Variants in DSCAM observed in about 807,000 individuals in gnomAD.
The protein encoded by DSCAM is cell adhesion molecule DSCAM.
A neutral mutation model predicts 217.7 loss-of-function variants in DSCAM; 47 were observed. The observed-to-expected ratio is 0.22, with a 90% CI of 0.17 to 0.28. The LOEUF (loss-of-function observed/expected upper bound fraction) is 0.28, where lower values mean the gene tolerates loss of function less well. Ranked by LOEUF, DSCAM falls within the 10% of genes least tolerant of loss-of-function variation. The pLI is 1.00. For synonymous variants in DSCAM, 1,056 were observed against 1,015.3 expected (o/e 1.04, Z -0.76); for missense variants, 2,080 against 2,618.3 (o/e 0.79, Z 4.49).
At chr21:40,388,647 C>CG (rs1204782098) in intron 3 of DSCAM, among the ~76,000 whole-genome samples, 5 of 151,986 alleles carry the variant, frequency 3.3e-5, no homozygotes, top group Non-Finnish European at 7.4e-5. Flanking sequence ...TAAACCCCCC[C>CG]TCCTCCACTG....
intron 3 of DSCAM, among the ~76,000 whole-genome samples, chr21:40,550,202 G>A (rs2076618289): frequency 6.6e-6 from 1 of 152,024 alleles, no homozygotes; most frequent in African/African-American, 2.4e-5. Context: ...TGCCTCCCAG[G>A]GCTTTCTGCT....
intron 3 of DSCAM, among the ~76,000 whole-genome samples, chr21:40,522,894 A>C (rs2076370308): frequency 6.6e-6 from 1 of 152,156 alleles, no homozygotes; most frequent in Admixed American, 6.5e-5. Context: ...GTAGGAATCA[A>C]TAATCGACAA....
chr21:40,577,461 C>CT (rs1018138820), intron 3 of DSCAM, among the ~76,000 whole-genome samples: 4 of 152,112 alleles, frequency 2.6e-5, no homozygotes, highest in African/African-American at 7.2e-5. Flanking sequence ...GTGGCGCCCC[C>CT]CTCCGAGCCG....
intron 11 of DSCAM, among the ~76,000 whole-genome samples, chr21:40,210,857 T>G (rs529244808): frequency 1.8e-4 from 27 of 152,236 alleles, no homozygotes; most frequent in Non-Finnish European, 3.2e-4. Context: ...CTTCATTATT[T>G]TTAACCCACA....
intron 4 of DSCAM, among the ~76,000 whole-genome samples, chr21:40,363,615 T>C (rs1249702238): frequency 6.6e-6 from 1 of 152,088 alleles, no homozygotes; most frequent in African/African-American, 2.4e-5. Context: ...TTTTAAAATT[T>C]AGGGAAAGGA....
At chr21:40,276,444 A>G (rs1030024495) in intron 10 of DSCAM, among the ~76,000 whole-genome samples, 174 bp from the exon 11 acceptor site, 1 of 152,220 alleles carries the variant, frequency 6.6e-6, no homozygotes, top group Non-Finnish European at 1.5e-5. Context: ...TCTTGTTTAG[A>G]GAGAAAAGCA....
intron 18 of DSCAM, among the ~76,000 whole-genome samples, chr21:40,134,265 C>T (rs1481660214): frequency 6.6e-6 from 1 of 152,056 alleles, no homozygotes; most frequent in Non-Finnish European, 1.5e-5. Flanking sequence ...CGAAGTAATT[C>T]GCTCCAAGTT....
rs1226012320 is a variant in DSCAM at position 40,175,797 on chromosome 21, A to ACG, written c.2947+3129_2947+3130insCG. Among the ~76,000 whole-genome samples the ACG allele has an allele frequency of 1.1e-4, 12 of 108,392 alleles. No individual in the cohort carries two copies. In the East Asian group the frequency reaches 1.7e-3, roughly 15 times the overall value. The allele number at this position is 108,392 out of a possible 152,430, so 71.1% of individuals were successfully genotyped here. A position where few individuals can be genotyped will look rare whatever the true frequency, so the allele number is the denominator to read the frequency against. On this transcript the variant is annotated intron_variant, in intron 15 of 32. Transcript: ENST00000400454. ...CACACACATACACACACACACACAC[A>ACG]CACACACACACGCACACACACACAC...
intron 3 of DSCAM, among the ~76,000 whole-genome samples, chr21:40,650,506 G>A (rs2089999493): frequency 1.3e-5 from 2 of 152,244 alleles, no homozygotes; most frequent in Admixed American, 6.5e-5. Context: ...ATTGTCTTCA[G>A]CCACGTGGGC....
chr21:40,433,697 C>T (rs1355996346), intron 3 of DSCAM, among the ~76,000 whole-genome samples: 1 of 152,144 alleles, frequency 6.6e-6, no homozygotes, highest in Non-Finnish European at 1.5e-5. Flanking sequence ...TAGGTGACAT[C>T]ATCTGAGGTG....
intron 3 of DSCAM, among the ~76,000 whole-genome samples, chr21:40,547,118 C>T (rs960997183): frequency 6.6e-6 from 1 of 152,152 alleles, no homozygotes; most frequent in African/African-American, 2.4e-5. Context: ...TGTCCCCAAC[C>T]CTGTCTATCC....
intron 11 of DSCAM, among the ~76,000 whole-genome samples, chr21:40,229,379 C>A (rs1197279905): frequency 6.6e-6 from 1 of 152,194 alleles, no homozygotes; most frequent in African/African-American, 2.4e-5. Context: ...AATTCACCTA[C>A]ATTAAGATTC....
chr21:40,779,561 T>A (rs985646495), intron 1 of DSCAM, among the ~76,000 whole-genome samples: 1 of 152,210 alleles, frequency 6.6e-6, no homozygotes, highest in African/African-American at 2.4e-5. Flanking sequence ...TCCTCATGGA[T>A]CTGCCATTCC....
Position 40,387,911 on chromosome 21 carries a change from C to T in DSCAM, c.509-18666G>A, listed in dbSNP as rs190168573. ...CCTTGACATAAATATTTATATTAGA[C>T]ACAGTTGGGAAAAATTAGTGAACAA... On this transcript the variant is annotated intron_variant, in intron 3 of 32. Coordinates refer to ENST00000400454, the MANE Select transcript of DSCAM (RefSeq NM_001389.5). 3.2e-3 allele frequency among the ~76,000 whole-genome samples: 485 copies of T among 151,924 alleles called. 2 individuals carry two copies. Among genetic ancestry groups the T allele is most frequent in the African/African-American group, 0.01 (435 of 41,448 alleles).
At chr21:40,129,102 T>C (rs777142364) in intron 19 of DSCAM, among the ~76,000 whole-genome samples, 2 of 152,186 alleles carry the variant, frequency 1.3e-5, no homozygotes, top group African/African-American at 2.4e-5. Context: ...CTGGTCTTAG[T>C]AAACAGCCAC....
chr21:40,678,234 T>A (rs2146417053), intron 3 of DSCAM, among the ~76,000 whole-genome samples: 1 of 152,278 alleles, frequency 6.6e-6, no homozygotes, highest in South Asian at 2.1e-4. Context: ...CTCTTTTGTG[T>A]CTTTTTAAAA....
At chr21:40,247,857 G>A (rs1372231086) in intron 11 of DSCAM, among the ~76,000 whole-genome samples, 1 of 152,216 alleles carries the variant, frequency 6.6e-6, no homozygotes, top group Non-Finnish European at 1.5e-5. Flanking sequence ...GATTCTCCAT[G>A]AGGACCATGC....
chr21:40,697,911 A>G (rs1046356951), intron 2 of DSCAM, among the ~76,000 whole-genome samples: 1 of 152,124 alleles, frequency 6.6e-6, no homozygotes, highest in African/African-American at 2.4e-5. Context: ...TCTGTAGATC[A>G]CTTTGAGTAG....
intron 3 of DSCAM, among the ~76,000 whole-genome samples, chr21:40,391,211 A>G (rs1167443333): frequency 6.6e-6 from 1 of 152,164 alleles, no homozygotes; most frequent in African/African-American, 2.4e-5. Context: ...CAGGGGCTGG[A>G]CTCATGGCTG....
Sources: allele counts gnomAD v4.1 joint callset (sites outside exome capture counted in the v4.1 genomes callset), GRCh38; gene constraint gnomAD v4.1.1; transcripts MANE v1.5; gene names NCBI Gene and HGNC (gene_info 2026-07-23, HGNC 2026-07-21).